FANCI: variants seen among roughly 807,000 people sequenced by gnomAD.
FANCI encodes FA complementation group I.
In FANCI, 156 loss-of-function variants were observed where a neutral mutation model predicts 176.1. The observed-to-expected ratio is 0.89, with a 90% confidence interval of 0.78 to 1.01. The LOEUF (loss-of-function observed/expected upper bound fraction) is 1.01. Among genes scored for constraint, FANCI ranks in the 50% least tolerant of loss-of-function variants. The probability of loss-of-function intolerance (pLI) is 0.00; values close to 1 mark genes in which losing one functional copy is unlikely to be tolerated. For missense variants in FANCI, 1,678 were observed against 1,534.1 expected (o/e 1.09, Z -1.57); for synonymous variants, 613 against 541.7 (o/e 1.13, Z -1.83).
In FANCI at chr15:89,316,468, C is replaced by G. The variant is rs1241198057; in HGVS notation, c.*9C>G. 6.2e-7 allele frequency: 1 copy of G among 1,605,928 alleles called. No individual in the cohort carries two copies. Among genetic ancestry groups the G allele is most frequent in the Non-Finnish European group, 8.5e-7 (1 of 1,175,396 alleles). On this transcript the variant is annotated 3_prime_UTR_variant, in exon 38 of 38. Coordinates refer to ENST00000310775, the MANE Select transcript of FANCI (RefSeq NM_001113378.2). ...AGAAAAGGAAAAAATAAATGAAATG[C>G]CTGAGTTAATGTGAACTTTGGGGCT...
chr15:89,268,692 T>C, intron 10 of FANCI, 167 bp downstream of exon 10: 1 of 739,838 alleles, frequency 1.4e-6, no homozygotes, highest in East Asian at 2.8e-5. Flanking sequence ...TACATGATGT[T>C]ACCACACTCC....
At chr15:89,315,470 G>C (rs1182749975) in intron 37 of FANCI, 81 bp downstream of exon 37, 55 of 937,762 alleles carry the variant, frequency 5.9e-5, no homozygotes, top group Non-Finnish European at 5.2e-6. Context: ...ACAGATTAGT[G>C]GAAGGGCAAC....
At chr15:89,299,998 A>C (rs1369156488) in intron 25 of FANCI, 32 bp downstream of exon 25, 1 of 1,612,164 alleles carries the variant, frequency 6.2e-7, no homozygotes, top group African/African-American at 1.3e-5. Context: ...AATAGGCTTG[A>C]TTTAGGTTTC....
At chr15:89,280,262 C>T (rs1407590108) in intron 14 of FANCI, among the ~76,000 whole-genome samples, 1 of 152,140 alleles carries the variant, frequency 6.6e-6, no homozygotes, top group Non-Finnish European at 1.5e-5. Flanking sequence ...CCTCGTGATC[C>T]ACCTGCCTCA....
chr15:89,261,438 A>G (rs1287318251), intron 4 of FANCI, 147 bp from the exon 5 acceptor site: 6 of 984,854 alleles, frequency 6.1e-6, no homozygotes, highest in Non-Finnish European at 9.5e-6. Context: ...CGTACCAGAC[A>G]GAGCAGAATG....
At chr15:89,314,554 A>T in intron 35 of FANCI, 58 bp from the exon 36 acceptor site, 1 of 1,292,936 alleles carries the variant, frequency 7.7e-7, no homozygotes, top group East Asian at 2.3e-5. Context: ...ACAGCTTCAG[A>T]GGAAAACTTC....
At chr15:89,271,123 C>G (rs1012453128) in intron 10 of FANCI, among the ~76,000 whole-genome samples, 1 of 151,850 alleles carries the variant, frequency 6.6e-6, no homozygotes, top group African/African-American at 2.4e-5. Flanking sequence ...AGTATCTTTT[C>G]TAGGCCTTGA....
At position 89,300,529 on chromosome 15, in the gene FANCI, C is replaced by A. The variant is rs186089885; in HGVS notation, c.2889+144C>A. On this transcript the variant is annotated intron_variant, in intron 26 of 37. Transcript: ENST00000310775. ...GTCATACAGGCAACAGGACATAGCT[C>A]TCAGAATGGAAGATAATGTATTTAA... The A allele has an allele frequency of 4.2e-6, 3 of 709,952 alleles. No individual in the cohort carries two copies. The East Asian group carries it at 8.5e-5, about 20-fold the overall frequency. 44.0% of individuals were successfully genotyped at this position (709,952 alleles called of 1,614,324 possible). A position where few individuals can be genotyped will look rare whatever the true frequency, so the allele number is the denominator to read the frequency against.
At chr15:89,285,351 G>A in intron 18 of FANCI, 133 bp downstream of exon 18, 2 of 1,277,122 alleles carry the variant, frequency 1.6e-6, no homozygotes, top group African/African-American at 1.5e-5. Flanking sequence ...AGCTAGTGAT[G>A]TTTAGTCAAA....
In FANCI at chr15:89,287,873, C is replaced by T. The variant is rs189927538; in HGVS notation, c.1822-2340C>T. On this transcript the variant is annotated intron_variant, in intron 18 of 37. Coordinates refer to ENST00000310775, the MANE Select transcript of FANCI (RefSeq NM_001113378.2). ...TTAAGTTCACTATCTTATATAGACA[C>T]AATTCGTGACTCTTCAAACCAATTG... Among the ~76,000 whole-genome samples, 413 of 150,802 alleles carry T rather than the reference C, an allele frequency of 2.7e-3. 1 individual carries two copies. The highest frequency in any genetic ancestry group is 6.8e-3 in the Middle Eastern group (2 of 294).
At chr15:89,296,074 C>A (rs2054257370) in intron 24 of FANCI, among the ~76,000 whole-genome samples, 2 of 152,052 alleles carry the variant, frequency 1.3e-5, no homozygotes, top group African/African-American at 4.8e-5. Context: ...TTCAAGTGAT[C>A]CTCCTGCCTC....
rs2052058695 is a variant in FANCI, at chr15:89,247,864, TTAA to T, written c.84+141_84+143del. ...TTCACTGTAGGAGACAAGGATTTAT[TTAA>T]TAATAATTTATAGATGTAAAGAAAT... On this transcript the variant is annotated intron_variant, in intron 2 of 37. Coordinates refer to ENST00000310775, the MANE Select transcript of FANCI (RefSeq NM_001113378.2). 9.3e-5 allele frequency: 66 copies of T among 711,556 alleles called. No homozygotes were observed. The South Asian group carries it at 1.0e-3, about 11-fold the overall frequency. 44.1% of individuals were successfully genotyped at this position (711,556 alleles called of 1,614,324 possible). A position where few individuals can be genotyped will look rare whatever the true frequency, so the allele number is the denominator to read the frequency against.
At chr15:89,293,497 G>A (rs2054141474) in intron 22 of FANCI, among the ~76,000 whole-genome samples, 1 of 152,138 alleles carries the variant, frequency 6.6e-6, no homozygotes, top group Admixed American at 6.5e-5. Flanking sequence ...GACCAGCCTG[G>A]CCAACATGGT....
intron 6 of FANCI, among the ~76,000 whole-genome samples, chr15:89,262,411 T>G (rs2052752434): frequency 6.6e-6 from 1 of 152,140 alleles, no homozygotes; most frequent in Non-Finnish European, 1.5e-5. Flanking sequence ...AAGCATACAG[T>G]AATAGAGACA....
intron 34 of FANCI, among the ~76,000 whole-genome samples, chr15:89,309,397 G>T (rs1013444): frequency 6.6e-6 from 1 of 151,892 alleles, no homozygotes; most frequent in Non-Finnish European, 1.5e-5. Flanking sequence ...AGGAATTCAG[G>T]GAGAGATGCT....
rs778881922 is a variant in FANCI, at chr15:89,295,743, C to CCT, written c.2636+649_2636+650insCT. On this transcript the variant is annotated intron_variant, in intron 24 of 37. Transcript: ENST00000310775. ...TGCCTTCCCCTGGCGCCCCCCCCAC[C>CCT]TTTTTTTTTTTGTTGTTGTTGTTGT... 8.6e-4 allele frequency among the ~76,000 whole-genome samples: 109 copies of CCT among 127,452 alleles called. 6 individuals carry two copies. The highest frequency in any genetic ancestry group is 2.2e-3 in the African/African-American group (77 of 35,222). 83.6% of individuals were successfully genotyped at this position (127,452 alleles called of 152,430 possible).
At chr15:89,260,667 C>A in intron 3 of FANCI, 46 bp from the exon 4 acceptor site, 1 of 1,608,692 alleles carries the variant, frequency 6.2e-7, no homozygotes, top group Non-Finnish European at 8.5e-7. Flanking sequence ...ATTTACCTGT[C>A]AATGTTGTAA....
chr15:89,274,276 A>C lies in FANCI; in HGVS notation c.1084A>C (p.Thr362Pro). 6.2e-7 allele frequency: 1 copy of C among 1,613,628 alleles called. No homozygotes were observed. The highest frequency in any genetic ancestry group is 8.5e-7 in the Non-Finnish European group (1 of 1,179,800). ...NLVPHRSYVS[T>P]MILEVVKNSV... ...AGTTCCTCATAGATCTTATGTTTCA[A>C]CCATGATCTTGGAAGTAGTGAAGAA... The change falls in exon 12 of 38, where the codon ACC becomes CCC. Residue 362 changes from threonine to proline, a missense_variant. Physicochemically the swap from Thr to Pro is conservative, Grantham distance 38. Around this residue, in one of 3 missense-constraint regions of FANCI, gnomAD observed 469 missense variants for 436.9 expected, o/e 1.07. Transcript: ENST00000310775.
intron 37 of FANCI, 34 bp downstream of exon 37, chr15:89,315,423 T>C: frequency 7.0e-7 from 1 of 1,434,374 alleles, no homozygotes; most frequent in Non-Finnish European, 9.8e-7. Context: ...GCCCAGCCAC[T>C]CTTCCTAGCT....
Sources: allele counts gnomAD v4.1 joint callset (sites outside exome capture counted in the v4.1 genomes callset), GRCh38; gene constraint gnomAD v4.1.1; regional missense constraint gnomAD v4.1.1; transcripts MANE v1.5; gene names NCBI Gene and HGNC (gene_info 2026-07-23, HGNC 2026-07-21).